PTPN22: variants seen among roughly 807,000 people sequenced by gnomAD.
PTPN22 encodes the protein tyrosine-protein phosphatase non-receptor type 22.
In PTPN22, 85 loss-of-function variants were observed where a neutral mutation model predicts 103.3. The ratio of observed to expected loss-of-function variants is 0.82; its 90% CI spans 0.69 to 0.99. PTPN22 has a LOEUF of 0.99. PTPN22 is among the 50% of genes least tolerant of loss of function. The pLI is 0.00. For synonymous variants in PTPN22, 323 were observed against 310.2 expected, an observed-to-expected ratio of 1.04 and a Z score of -0.43; for missense variants, 865 against 936.9, an observed-to-expected ratio of 0.92 and a Z score of 1.00.
In PTPN22 at chr1:113,829,529, AG is replaced by A. The variant is rs1360968037; in HGVS notation, c.2250+62del. ...CTAATTTTCCATCTTAATGCTGGGG[AG>A]GGGGAAACTTTCAGTAAGGGAAAGT... On this transcript the variant is annotated intron_variant, in intron 18 of 20. Coordinates refer to ENST00000359785, the Ensembl canonical transcript of PTPN22. 72 of 804,464 alleles carry A rather than the reference AG, an allele frequency of 9.0e-5. 1 individual carries two copies. In the Middle Eastern group the frequency reaches 9.4e-4, roughly 11 times the overall value. The allele number at this position is 804,464 out of a possible 1,614,324, so 49.8% of individuals were successfully genotyped here.
chr1:113,833,127 G>C, exon 16 of PTPN22: 1 of 1,567,592 alleles, frequency 6.4e-7, no homozygotes, highest in African/African-American at 1.4e-5. Flanking sequence ...TAGGACTTCG[G>C]AGTTTTACAC....
chr1:113,828,630 T>C (rs1317618326), intron 18 of PTPN22, among the ~76,000 whole-genome samples: 1 of 152,174 alleles, frequency 6.6e-6, no homozygotes, highest in African/African-American at 2.4e-5. Flanking sequence ...TATACACTAA[T>C]ATGCCATTTT....
chr1:113,842,795 T>C (rs776896123), intron 11 of PTPN22, among the ~76,000 whole-genome samples: 4 of 151,594 alleles, frequency 2.6e-5, no homozygotes, highest in Admixed American at 6.6e-5. Context: ...GAAAAGAGTA[T>C]GGCTGTTCTA....
intron 19 of PTPN22, among the ~76,000 whole-genome samples, chr1:113,822,051 ATAAAAAC>A (rs1201045355): frequency 1.3e-5 from 2 of 152,216 alleles, no homozygotes; most frequent in East Asian, 3.8e-4. Context: ...AACTCACATG[ATAAAAAC>A]CTGCCTATGA....
intron 11 of PTPN22, among the ~76,000 whole-genome samples, chr1:113,847,632 G>A (rs1664212548): frequency 6.6e-6 from 1 of 150,712 alleles, no homozygotes; most frequent in African/African-American, 2.4e-5. Flanking sequence ...AGGCTGGAGT[G>A]CAGTGGTGCA....
intron 11 of PTPN22, among the ~76,000 whole-genome samples, chr1:113,847,136 A>G (rs1664153062): frequency 7.0e-6 from 1 of 142,496 alleles, no homozygotes; most frequent in African/African-American, 2.6e-5. Context: ...CGTACCCTCT[A>G]TTCTGCTGTT....
At chr1:113,868,366 C>A (rs555108056) in intron 1 of PTPN22, among the ~76,000 whole-genome samples, 10 of 152,232 alleles carry the variant, frequency 6.6e-5, no homozygotes, top group African/African-American at 2.4e-4. Flanking sequence ...GTCCTCAAAC[C>A]TCGGAAACAT....
At position 113,819,954 on chromosome 1, in the gene PTPN22, T is replaced by G. The variant is rs369706454; in HGVS notation, c.2282-300A>C. On this transcript the variant is annotated intron_variant, in intron 19 of 20. Coordinates refer to ENST00000359785, the Ensembl canonical transcript of PTPN22. ...TATATCATGAATCAGCATTTTTTTGTTTTTTTTTTTGAAATTCACATTTTG... is the reference window on the plus strand; with the variant it reads ...TATATCATGAATCAGCATTTTTTTGGTTTTTTTTTTGAAATTCACATTTTG... 5.0e-3 allele frequency: 796 copies of G among 160,368 alleles called. 3 individuals are homozygous for G. The highest frequency in any genetic ancestry group is 0.019 in the African/African-American group (761 of 39,992). The allele number at this position is 160,368 out of a possible 1,614,324, so 9.9% of individuals were successfully genotyped here.
chr1:113,819,630 T>C (rs1661429459), exon 20 of PTPN22: 2 of 1,602,340 alleles, frequency 1.2e-6, no homozygotes, highest in Admixed American at 3.4e-5. Flanking sequence ...TGCAGGCTTG[T>C]TTGGTGGGCA....
intron 4 of PTPN22, 45 bp from the exon 5 acceptor site, chr1:113,857,821 A>G (rs1665209714): frequency 6.5e-7 from 1 of 1,534,248 alleles, no homozygotes; most frequent in Non-Finnish European, 8.9e-7. Flanking sequence ...ATATATAGTT[A>G]GAAAGAGCAG....
exon 15 of PTPN22, chr1:113,834,383 C>T: frequency 2.5e-6 from 4 of 1,613,552 alleles, no homozygotes; most frequent in Non-Finnish European, 3.4e-6. Flanking sequence ...AGTGATGTTC[C>T]AATTTTTACC....
At chr1:113,838,711 G>A in intron 11 of PTPN22, 91 bp from the exon 12 acceptor site, 1 of 1,484,832 alleles carries the variant, frequency 6.7e-7, no homozygotes, top group Non-Finnish European at 9.0e-7. Flanking sequence ...TAATTTTTCA[G>A]GAAATAAAAA....
At chr1:113,838,695 G>A (rs1663248263) in intron 11 of PTPN22, 75 bp from the exon 12 acceptor site, 4 of 1,519,032 alleles carry the variant, frequency 2.6e-6, no homozygotes, top group African/African-American at 1.4e-5. Context: ...TTAGAAGGCT[G>A]AAAAGTAATT....
chr1:113,824,367 T>C (rs1191414230), intron 19 of PTPN22, among the ~76,000 whole-genome samples: 3 of 152,204 alleles, frequency 2.0e-5, no homozygotes, highest in Non-Finnish European at 4.4e-5. Context: ...CCCAAAGTGC[T>C]GGGATTATAG....
At chr1:113,839,382 TCAATC>T (rs1663312936) in intron 11 of PTPN22, among the ~76,000 whole-genome samples, 1 of 150,508 alleles carries the variant, frequency 6.6e-6, no homozygotes, top group Non-Finnish European at 1.5e-5. Flanking sequence ...GTGCCTGGCC[TCAATC>T]TTTTTTTTTT....
chr1:113,820,107 CTT>C, intron 19 of PTPN22, among the ~76,000 whole-genome samples: 1 of 152,162 alleles, frequency 6.6e-6, no homozygotes, highest in East Asian at 1.9e-4. Context: ...CCTGGAATCT[CTT>C]TTTTTATTCC....
chr1:113,865,622 T>G (rs886891622), intron 1 of PTPN22, among the ~76,000 whole-genome samples: 4 of 152,178 alleles, frequency 2.6e-5, no homozygotes, highest in Non-Finnish European at 5.9e-5. Context: ...AAAAACTCCT[T>G]TGGAAATACA....
chr1:113,856,586 C>T (rs371097605), exon 6 of PTPN22: 1 of 1,614,228 alleles, frequency 6.2e-7, no homozygotes. Context: ...AGCTGCATCT[C>T]TCCTGGCTCA....
In PTPN22 at chr1:113,863,929, T is replaced by A. The variant is rs867694343; in HGVS notation, c.88-4469A>T. Among the ~76,000 whole-genome samples, 444 of 145,518 alleles carry A rather than the reference T, an allele frequency of 3.1e-3. 1 individual carries two copies. Among genetic ancestry groups the A allele is most frequent in the East Asian group, 0.012 (58 of 4,982 alleles). On this transcript the variant is annotated intron_variant, in intron 1 of 20. Coordinates refer to ENST00000359785, the Ensembl canonical transcript of PTPN22. ...TAAATATATATATATATATATATATTTTTTTTTGACATGGGATCTCACTCT... is the reference window on the plus strand; with the variant it reads ...TAAATATATATATATATATATATATATTTTTTTGACATGGGATCTCACTCT...
Sources: gnomAD v4.1 joint callset for allele counts (sites outside exome capture counted in the v4.1 genomes callset) on GRCh38, gnomAD v4.1.1 for gene constraint, MANE v1.5 for transcripts, NCBI Gene and HGNC (gene_info 2026-07-23, HGNC 2026-07-21) for gene names.